Variants in EFCAB6 observed in about 807,000 individuals in gnomAD.
EFCAB6 encodes the protein EF-hand calcium binding domain 6.
EFCAB6 carries 156 observed loss-of-function variants against 169.8 expected under a neutral mutation model. The ratio of observed to expected loss-of-function variants is 0.92; its 90% CI spans 0.81 to 1.05. EFCAB6 has a LOEUF of 1.05. EFCAB6 is among the 50% of genes least tolerant of loss of function. EFCAB6 has a pLI of 0.00. For synonymous variants in EFCAB6, 698 were observed against 676.4 expected, an observed-to-expected ratio of 1.03 and a Z score of -0.50; for missense variants, 1,800 against 1,829.1, an observed-to-expected ratio of 0.98 and a Z score of 0.29.
At chr22:43,808,833 C>T (rs566371286) in intron 2 of EFCAB6, among the ~76,000 whole-genome samples, 162 bp downstream of exon 2, 5 of 152,228 alleles carry the variant, frequency 3.3e-5, no homozygotes, top group Admixed American at 2.6e-4. Context: ...GCCTGGGGAT[C>T]CCCAATGCTT....
rs142262199 is a variant in EFCAB6 at position 43,741,475 on chromosome 22, C to T, written c.508-5482G>A. 3.3e-5 allele frequency among the ~76,000 whole-genome samples: 5 copies of T among 152,300 alleles called. No individual in the cohort carries two copies. The East Asian group carries it at 5.8e-4, about 18-fold the overall frequency. ...CCTTCCTCACTCGCTTACTTGAAAGCGCGCCTTCATACTCTGCTGACCACT... is the reference window on the plus strand; with the variant it reads ...CCTTCCTCACTCGCTTACTTGAAAGTGCGCCTTCATACTCTGCTGACCACT... On this transcript the variant is annotated intron_variant, in intron 6 of 31. Transcript: ENST00000262726.
intron 5 of EFCAB6, among the ~76,000 whole-genome samples, chr22:43,761,112 G>A (rs377185642): frequency 1.3e-5 from 2 of 152,170 alleles, no homozygotes; most frequent in African/African-American, 4.8e-5. Context: ...GGGCTTATAG[G>A]AGGGTGCCAA....
chr22:43,754,155 G>T (rs930492551), intron 6 of EFCAB6, among the ~76,000 whole-genome samples: 3 of 152,216 alleles, frequency 2.0e-5, no homozygotes, highest in Non-Finnish European at 4.4e-5. Context: ...GTACTTCAAA[G>T]GAAGCTGTAG....
chr22:43,638,962 T>C (rs185371951), intron 17 of EFCAB6, among the ~76,000 whole-genome samples: 229 of 152,186 alleles, frequency 1.5e-3, no homozygotes, highest in African/African-American at 5.4e-3. Context: ...ATTTTATATT[T>C]TTAGTAGAGA....
intron 31 of EFCAB6, among the ~76,000 whole-genome samples, chr22:43,530,090 T>C (rs1269722021): frequency 6.6e-6 from 1 of 152,202 alleles, no homozygotes; most frequent in African/African-American, 2.4e-5. Flanking sequence ...AGACGGCCCC[T>C]CAATTACGCC....
At chr22:43,782,394 A>G in intron 2 of EFCAB6, 69 bp from the exon 3 acceptor site, 11 of 1,386,812 alleles carry the variant, frequency 7.9e-6, no homozygotes, top group Non-Finnish European at 1.1e-5. Context: ...CCAATTTCCT[A>G]TCTATTCCTT....
chr22:43,529,078 AC>A, intron 31 of EFCAB6, 103 bp from the exon 32 acceptor site: 1 of 1,310,954 alleles, frequency 7.6e-7, no homozygotes, highest in Non-Finnish European at 1.0e-6. Flanking sequence ...CTGATCCCCA[AC>A]CCCACTTCCG....
rs112777963 is a variant in EFCAB6, at chr22:43,603,172, G to C, written c.2682-2909C>G. Among the ~76,000 whole-genome samples the C allele has an allele frequency of 3.9e-3, 593 of 152,182 alleles. 3 individuals carry two copies. Among genetic ancestry groups the C allele is most frequent in the Middle Eastern group, 0.014 (4 of 294 alleles). On this transcript the variant is annotated intron_variant, in intron 22 of 31. Coordinates refer to ENST00000262726, the MANE Select transcript of EFCAB6 (RefSeq NM_022785.4). ...TCATGACACTTGAACTGAATGAAAA[G>C]GCATTCTTAATTGCTTCATTAATGA...
At chr22:43,623,754 A>G in intron 20 of EFCAB6, among the ~76,000 whole-genome samples, 1 of 150,658 alleles carries the variant, frequency 6.6e-6, no homozygotes, top group Non-Finnish European at 1.5e-5. Context: ...AAAAAAAAAA[A>G]AAAAATTAGC....
chr22:43,607,494 A>G (rs1488878628), intron 22 of EFCAB6, among the ~76,000 whole-genome samples: 2 of 152,218 alleles, frequency 1.3e-5, no homozygotes, highest in Non-Finnish European at 1.5e-5. Context: ...AGATCTGCCT[A>G]TACCCAGCTG....
chr22:43,770,932 A>G (rs1041346579), intron 4 of EFCAB6, among the ~76,000 whole-genome samples: 7 of 152,138 alleles, frequency 4.6e-5, no homozygotes, highest in South Asian at 2.1e-4. Context: ...AAGTCAGAAA[A>G]AAAAAAGAGA....
At chr22:43,590,354 A>G (rs1273646396) in intron 23 of EFCAB6, 125 bp from the exon 24 acceptor site, 2 of 1,089,986 alleles carry the variant, frequency 1.8e-6, no homozygotes, top group Non-Finnish European at 2.6e-6. Flanking sequence ...AATTTTGAAG[A>G]TGTTTTACAG....
At chr22:43,687,447 G>C (rs202197148) in intron 11 of EFCAB6, 24 bp downstream of exon 11, 2 of 833,960 alleles carry the variant, frequency 2.4e-6, no homozygotes, top group Non-Finnish European at 3.4e-6. Context: ...ACTAAAATTT[G>C]TTTTTTTTTT....
intron 19 of EFCAB6, 113 bp downstream of exon 19, chr22:43,631,992 G>T: frequency 7.0e-7 from 1 of 1,431,098 alleles, no homozygotes; most frequent in Non-Finnish European, 9.4e-7. Flanking sequence ...AATGCTCTGT[G>T]TCCCTTGGGC....
chr22:43,624,395 G>A lies in EFCAB6; in HGVS notation c.2465+2052C>T, dbSNP rs556168936. ...TAGCATACGGCCTCCCCTGCCTACTGATAGAAGGTGACGTCCTTCACAGCC... is the reference window on the plus strand; with the variant it reads ...TAGCATACGGCCTCCCCTGCCTACTAATAGAAGGTGACGTCCTTCACAGCC... On this transcript the variant is annotated intron_variant, in intron 20 of 31. Coordinates refer to ENST00000262726, the MANE Select transcript of EFCAB6 (RefSeq NM_022785.4). 2.0e-5 allele frequency among the ~76,000 whole-genome samples: 3 copies of A among 152,248 alleles called. No individual in the cohort carries two copies. The South Asian group carries it at 6.2e-4, about 32-fold the overall frequency.
intron 6 of EFCAB6, among the ~76,000 whole-genome samples, chr22:43,741,442 C>T (rs796685910): frequency 6.6e-5 from 10 of 152,314 alleles, no homozygotes; most frequent in African/African-American, 1.9e-4. Context: ...CCCACGCTGC[C>T]GCTGAGGCCT....
chr22:43,751,116 CT>C (rs1270900744), intron 6 of EFCAB6, among the ~76,000 whole-genome samples: 1 of 152,184 alleles, frequency 6.6e-6, no homozygotes, highest in Non-Finnish European at 1.5e-5. Context: ...CAGCCTGGGG[CT>C]TAGAATGCTT....
intron 17 of EFCAB6, among the ~76,000 whole-genome samples, chr22:43,651,129 C>T (rs973145705): frequency 1.3e-5 from 2 of 152,202 alleles, no homozygotes; most frequent in African/African-American, 2.4e-5. Flanking sequence ...GTGAAAATGT[C>T]TCCAGGGCAT....
chr22:43,748,983 G>A (rs1371082938), intron 6 of EFCAB6, among the ~76,000 whole-genome samples: 1 of 152,178 alleles, frequency 6.6e-6, no homozygotes, highest in African/African-American at 2.4e-5. Flanking sequence ...AGGGGCAAGA[G>A]AGGCAACGGG....
Sources: gnomAD v4.1 joint callset for allele counts (sites outside exome capture counted in the v4.1 genomes callset) on GRCh38, gnomAD v4.1.1 for gene constraint, MANE v1.5 for transcripts, NCBI Gene and HGNC (gene_info 2026-07-23, HGNC 2026-07-21) for gene names.